Variants in ADI1 observed in about 807,000 individuals in gnomAD.
ADI1 encodes the protein acireductone dioxygenase 1, also known as acireductone dioxygenase.
ADI1 carries 21 observed loss-of-function variants against 18.7 expected under a neutral mutation model. That is an observed-to-expected ratio of 1.13 (90% CI 0.80 to 1.62). ADI1 has a LOEUF of 1.62. Among genes scored for constraint, ADI1 ranks in the 40% most tolerant of loss-of-function variants. The pLI, the probability that ADI1 is intolerant of heterozygous loss-of-function variation, is 0.00. For synonymous variants in ADI1, 90 were observed against 100.1 expected, an observed-to-expected ratio of 0.90 and a Z score of 0.60; for missense variants, 245 against 254.9, an observed-to-expected ratio of 0.96 and a Z score of 0.26.
rs10208494 is a variant in ADI1 at position 3,498,938 on chromosome 2, A to C, written c.*25T>G. On this transcript the variant is annotated 3_prime_UTR_variant, in exon 4 of 4. Coordinates refer to ENST00000327435, the MANE Select transcript of ADI1 (RefSeq NM_018269.4). ...ATTACATTGGGGACCTTTACGAGGC[A>C]CGTGTTAGTTCCCAGGCAGCACTGC... 9.4e-6 allele frequency: 15 copies of C among 1,590,642 alleles called. No individual in the cohort carries two copies. The South Asian group carries it at 1.1e-4, about 12-fold the overall frequency.
intron 2 of ADI1, among the ~76,000 whole-genome samples, chr2:3,513,424 G>A (rs1667331852): frequency 6.6e-6 from 1 of 152,180 alleles, no homozygotes; most frequent in African/African-American, 2.4e-5. Context: ...GACCTGGTGG[G>A]AGGTGACTGG....
chr2:3,512,098 G>A (rs1256636151), intron 2 of ADI1, among the ~76,000 whole-genome samples: 2 of 152,242 alleles, frequency 1.3e-5, no homozygotes, highest in Non-Finnish European at 2.9e-5. Flanking sequence ...AAGGGAAGCA[G>A]AGCAGAAAAG....
At chr2:3,509,305 A>C (rs1329236170) in intron 2 of ADI1, among the ~76,000 whole-genome samples, 1 of 152,226 alleles carries the variant, frequency 6.6e-6, no homozygotes, top group Non-Finnish European at 1.5e-5. Flanking sequence ...GTTGATCTGA[A>C]TAATACCATC....
chr2:3,519,086 AGGCGCT>A (rs1162962517), intron 1 of ADI1, among the ~76,000 whole-genome samples: 1 of 148,598 alleles, frequency 6.7e-6, no homozygotes, highest in African/African-American at 2.5e-5. Context: ...AGCACACCAC[AGGCGCT>A]GGGGGCTGAC....
intron 2 of ADI1, among the ~76,000 whole-genome samples, chr2:3,503,463 T>C (rs1206048018): frequency 7.1e-6 from 1 of 140,566 alleles, no homozygotes; most frequent in Non-Finnish European, 1.5e-5. Context: ...GGACGTACAC[T>C]CACACGTGTG....
At chr2:3,519,338 G>A (rs966086144) in intron 1 of ADI1, 30 bp downstream of exon 1, 1 of 1,390,890 alleles carries the variant, frequency 7.2e-7, no homozygotes, top group Non-Finnish European at 9.3e-7. Context: ...GGCGTCGCCC[G>A]CACGCTCTGC....
At chr2:3,512,482 C>T (rs1009491996) in intron 2 of ADI1, among the ~76,000 whole-genome samples, 6 of 152,326 alleles carry the variant, frequency 3.9e-5, no homozygotes, top group South Asian at 2.1e-4. Context: ...CCCAGCTGCT[C>T]GGGTTCTGCT....
intron 2 of ADI1, among the ~76,000 whole-genome samples, chr2:3,505,369 C>T (rs1192313054): frequency 3.3e-5 from 5 of 152,170 alleles, no homozygotes; most frequent in Admixed American, 3.3e-4. Flanking sequence ...GAAACCCAAA[C>T]TGTACTTGAC....
In ADI1 at chr2:3,499,031, A is replaced by G. The variant is rs1477866618; in HGVS notation, c.472T>C (p.Tyr158His). The G allele has an allele frequency of 1.1e-5, 18 of 1,614,152 alleles. No homozygotes were observed. Among genetic ancestry groups the G allele is most frequent in the Non-Finnish European group, 1.5e-5 (18 of 1,179,978 alleles). The change falls in exon 4 of 4, where the codon TAC (tyrosine) becomes CAC (histidine). Residue 158 changes from tyrosine to histidine, a missense_variant. Tyr to His is a moderately conservative substitution (Grantham distance 83). Coordinates refer to ENST00000327435, the MANE Select transcript of ADI1 (RefSeq NM_018269.4). ...TCAAAATGGTCAGCGGGCCGGTTGT[A>G]CGCTGTCCACACCGGTTCTCCCACA... ...LFVGEPVWTA[Y>H]NRPADHFEAR...
intron 1 of ADI1, 47 bp downstream of exon 1, chr2:3,519,320 TG>T (rs1416926138): frequency 7.4e-7 from 1 of 1,342,638 alleles, no homozygotes; most frequent in Non-Finnish European, 9.5e-7. Flanking sequence ...GCGCGGCGTT[TG>T]GGGGTCGGCG....
rs576225171 is a variant in ADI1 at position 3,499,178 on chromosome 2, T to C, written c.421-96A>G. 200 of 1,469,252 alleles carry C rather than the reference T, an allele frequency of 1.4e-4. 4 individuals carry two copies. In the South Asian group the frequency reaches 2.6e-3, roughly 19 times the overall value. The allele number at this position is 1,469,252 out of a possible 1,614,324, so 91.0% of individuals were successfully genotyped here. ...ATCAACTTGTTAACATTAATTGCTA[T>C]AAACACTTTACTTGCTATTTTTATT... On this transcript the variant is annotated intron_variant, in intron 3 of 3. Transcript: ENST00000327435.
intron 2 of ADI1, among the ~76,000 whole-genome samples, chr2:3,501,819 C>G (rs551724175): frequency 6.6e-6 from 1 of 152,224 alleles, no homozygotes; most frequent in East Asian, 1.9e-4. Flanking sequence ...GAAGCCACCA[C>G]GCCTGGTCTG....
intron 2 of ADI1, among the ~76,000 whole-genome samples, chr2:3,501,340 G>C (rs1432162571): frequency 6.6e-6 from 1 of 152,110 alleles, no homozygotes; most frequent in Non-Finnish European, 1.5e-5. Flanking sequence ...GTGGCACAGA[G>C]AGGCTAAGTC....
At chr2:3,502,086 C>T (rs1250010388) in intron 2 of ADI1, among the ~76,000 whole-genome samples, 4 of 151,970 alleles carry the variant, frequency 2.6e-5, no homozygotes, top group African/African-American at 9.7e-5. Context: ...AGTGCAGGGG[C>T]ACAATCATGA....
chr2:3,519,468 A>T lies in ADI1; in HGVS notation c.20T>A (p.Met7Lys), dbSNP rs1458060038. 2 of 1,354,156 alleles carry T rather than the reference A, an allele frequency of 1.5e-6. No individual in the cohort carries two copies. The highest frequency in any genetic ancestry group is 3.1e-5 in the African/African-American group (2 of 65,368). 83.9% of individuals were successfully genotyped at this position (1,354,156 alleles called of 1,614,324 possible). A position where few individuals can be genotyped will look rare whatever the true frequency, so the allele number is the denominator to read the frequency against. MVQAWYMDDAPGDPRQP... is the reference protein window; with the variant it reads MVQAWYKDDAPGDPRQP... Reference sequence around the variant, plus strand: ...CCGCGGGTCGCCCGGGGCGTCGTCCATATACCAGGCCTGCACCATGACGCG... The same window carrying T: ...CCGCGGGTCGCCCGGGGCGTCGTCCTTATACCAGGCCTGCACCATGACGCG... The change falls in exon 1 of 4, where the codon ATG becomes AAG. Residue 7 changes from methionine to lysine, a missense_variant. Transcript: ENST00000327435.
intron 1 of ADI1, chr2:3,516,136 G>T: frequency 1.2e-6 from 1 of 825,492 alleles, no homozygotes; most frequent in Non-Finnish European, 1.5e-6. Flanking sequence ...GGACCTTTAG[G>T]ATGTGATTAA....
chr2:3,513,806 A>G, intron 2 of ADI1, 51 bp downstream of exon 2: 1 of 1,540,582 alleles, frequency 6.5e-7, no homozygotes, highest in Non-Finnish European at 8.7e-7. Context: ...TGCGTCTATT[A>G]GTAGTGAATA....
rs563447002 is a variant in ADI1 at position 3,500,747 on chromosome 2, C to T, written c.420+67G>A. On this transcript the variant is annotated intron_variant, in intron 3 of 3. Transcript: ENST00000327435. ...AGTCTGCGGAAGCCGCGCAGTTCAG[C>T]GGCAGAGATGCCACGGCCAGGGCCA... is the stretch of plus-strand genomic sequence containing the variant. 1.7e-4 allele frequency: 267 copies of T among 1,605,224 alleles called. 5 individuals are homozygous for T. In the South Asian group the frequency reaches 2.8e-3, roughly 17 times the overall value.
At chr2:3,509,760 C>T (rs961503945) in intron 2 of ADI1, among the ~76,000 whole-genome samples, 3 of 151,676 alleles carry the variant, frequency 2.0e-5, no homozygotes, top group East Asian at 3.9e-4. Flanking sequence ...TCTGCGAGGC[C>T]GAGGAGGGAG....
Sources: allele counts gnomAD v4.1 joint callset (sites outside exome capture counted in the v4.1 genomes callset), GRCh38; gene constraint gnomAD v4.1.1; transcripts MANE v1.5; gene names NCBI Gene and HGNC (gene_info 2026-07-23, HGNC 2026-07-21).